Variants in PPP2R2B observed in about 807,000 individuals in gnomAD.
PPP2R2B encodes the protein serine/threonine-protein phosphatase 2A 55 kDa regulatory subunit B beta isoform.
In PPP2R2B, 5 loss-of-function variants were observed where a neutral mutation model predicts 46.0. The ratio of observed to expected loss-of-function variants is 0.11; its 90% CI spans 0.06 to 0.23. The LOEUF is 0.23. Among genes scored for constraint, PPP2R2B ranks in the 10% least tolerant of loss-of-function variants. The pLI, the probability that PPP2R2B is intolerant of heterozygous loss-of-function variation, is 1.00. For synonymous variants in PPP2R2B, 215 were observed against 206.7 expected (o/e 1.04, Z -0.34); for missense variants, 367 against 575.0 (o/e 0.64, Z 3.70).
At chr5:146,797,839 A>T (rs1382924082) in intron 2 of PPP2R2B, among the ~76,000 whole-genome samples, 1 of 152,220 alleles carries the variant, frequency 6.6e-6, no homozygotes, top group Non-Finnish European at 1.5e-5. Flanking sequence ...TCCTTTTGAA[A>T]GCAAGAAAGC....
At chr5:146,798,825 T>C (rs1256952324) in intron 2 of PPP2R2B, among the ~76,000 whole-genome samples, 1 of 152,202 alleles carries the variant, frequency 6.6e-6, no homozygotes, top group African/African-American at 2.4e-5. Flanking sequence ...GGTATACAGC[T>C]AACAAATAGT....
At chr5:146,987,243 T>C (rs1359369640) in intron 1 of PPP2R2B, among the ~76,000 whole-genome samples, 1 of 152,112 alleles carries the variant, frequency 6.6e-6, no homozygotes, top group Non-Finnish European at 1.5e-5. Flanking sequence ...TGACTTATAA[T>C]AAATACTAAG....
intron 7 of PPP2R2B, among the ~76,000 whole-genome samples, chr5:146,617,260 CA>C (rs1241267952): frequency 3.3e-5 from 5 of 151,108 alleles, no homozygotes; most frequent in Non-Finnish European, 5.9e-5. Context: ...TTAATGGGTA[CA>C]AAAAAATAGA....
intron 2 of PPP2R2B, among the ~76,000 whole-genome samples, chr5:146,731,006 T>C (rs1752197839): frequency 6.6e-6 from 1 of 152,204 alleles, no homozygotes; most frequent in Admixed American, 6.5e-5. Flanking sequence ...GATTCAGCCA[T>C]GTACGAGGTG....
chr5:146,658,290 A>C lies in PPP2R2B; in HGVS notation c.448-7566T>G, dbSNP rs79322886. Reference sequence around the variant, plus strand: ...CCCATCTTGAGGCACTAGACGGTAAATCTCTCAGAGGGGCTTGGAAATTCC... The same window carrying C: ...CCCATCTTGAGGCACTAGACGGTAACTCTCTCAGAGGGGCTTGGAAATTCC... On this transcript the variant is annotated intron_variant, in intron 5 of 9. Transcript: ENST00000394411. Among the ~76,000 whole-genome samples, 876 of 152,224 alleles carry C rather than the reference A, an allele frequency of 5.8e-3. 3 individuals carry two copies. Among genetic ancestry groups the C allele is most frequent in the Non-Finnish European group, 9.3e-3 (630 of 68,008 alleles).
chr5:146,868,860 A>C lies in PPP2R2B; in HGVS notation c.70+9142T>G, dbSNP rs557605868. 2.0e-5 allele frequency among the ~76,000 whole-genome samples: 3 copies of C among 152,364 alleles called. No homozygotes were observed. In the South Asian group the frequency reaches 6.2e-4, roughly 32 times the overall value. On this transcript the variant is annotated intron_variant, in intron 2 of 9. Transcript: ENST00000394411. ...CAAGTTTAAGAATACAGGGTTTGGA[A>C]TCAGATAGACCTGGATGTGACTTCT...
chr5:146,792,872 G>T (rs980862111), intron 2 of PPP2R2B, among the ~76,000 whole-genome samples: 7 of 152,108 alleles, frequency 4.6e-5, no homozygotes, highest in African/African-American at 1.7e-4. Flanking sequence ...CCATCATAAG[G>T]GCCCTTTTTT....
chr5:147,034,795 G>A (rs1755958295), intron 1 of PPP2R2B, among the ~76,000 whole-genome samples: 2 of 152,116 alleles, frequency 1.3e-5, no homozygotes, highest in African/African-American at 4.8e-5. Context: ...ATGAGTTTTG[G>A]AATGTTTCCA....
At chr5:146,784,300 C>T (rs375619064) in intron 2 of PPP2R2B, among the ~76,000 whole-genome samples, 18 of 152,234 alleles carry the variant, frequency 1.2e-4, no homozygotes, top group African/African-American at 3.9e-4. Context: ...CCTCAGTCCT[C>T]TAAATGACTG....
intron 5 of PPP2R2B, among the ~76,000 whole-genome samples, chr5:146,689,408 T>A (rs370193194): frequency 2.0e-5 from 3 of 152,326 alleles, no homozygotes; most frequent in African/African-American, 4.8e-5. Flanking sequence ...TTAGATATGT[T>A]TATATACACA....
chr5:146,655,147 T>C (rs2151099679), intron 5 of PPP2R2B, among the ~76,000 whole-genome samples: 1 of 152,294 alleles, frequency 6.6e-6, no homozygotes, highest in South Asian at 2.1e-4. Context: ...CTGACCCTGG[T>C]TGAGTTTCAG....
chr5:146,700,906 A>T (rs1779495647), intron 3 of PPP2R2B, 139 bp downstream of exon 3: 2 of 738,780 alleles, frequency 2.7e-6, no homozygotes, highest in Non-Finnish European at 4.7e-6. Context: ...ATAACAGTTG[A>T]TGTTAATGAC....
intron 1 of PPP2R2B, among the ~76,000 whole-genome samples, chr5:146,970,615 G>T (rs1366994950): frequency 6.6e-6 from 1 of 151,842 alleles, no homozygotes; most frequent in Non-Finnish European, 1.5e-5. Flanking sequence ...AAAAAAAGAA[G>T]AAGAAGAAGG....
intron 2 of PPP2R2B, among the ~76,000 whole-genome samples, chr5:146,804,706 A>G (rs561957412): frequency 6.6e-6 from 1 of 152,166 alleles, no homozygotes; most frequent in Non-Finnish European, 1.5e-5. Flanking sequence ...ATTATTATAT[A>G]TTAGACATGA....
intron 2 of PPP2R2B, among the ~76,000 whole-genome samples, chr5:146,724,818 C>T (rs891166204): frequency 2.0e-5 from 3 of 152,080 alleles, no homozygotes; most frequent in African/African-American, 4.8e-5. Context: ...CACATTTTAC[C>T]TTAGTTCTAG....
At chr5:146,954,189 C>A (rs955764951) in intron 1 of PPP2R2B, among the ~76,000 whole-genome samples, 12 of 151,010 alleles carry the variant, frequency 7.9e-5, no homozygotes, top group African/African-American at 2.9e-4. Context: ...CTCCTCCGAA[C>A]CTCACTCCTG....
rs1218241360 is a variant in PPP2R2B, at chr5:146,828,261, T to TA, written c.70+49740dup. 1.1e-3 allele frequency among the ~76,000 whole-genome samples: 163 copies of TA among 147,650 alleles called. 2 individuals carry two copies. Among genetic ancestry groups the TA allele is most frequent in the South Asian group, 2.8e-3 (13 of 4,634 alleles). ...CCTAAAATATTACTTTTACTTTTTTTAAAAAAAAAAAAGACATTCTCTTGC... is the reference window on the plus strand; with the variant it reads ...CCTAAAATATTACTTTTACTTTTTTTAAAAAAAAAAAAAGACATTCTCTTGC... On this transcript the variant is annotated intron_variant, in intron 2 of 9. Coordinates refer to ENST00000394411, the MANE Select transcript of PPP2R2B (RefSeq NM_181675.4).
chr5:146,592,042 T>A, intron 9 of PPP2R2B: 1 of 386,818 alleles, frequency 2.6e-6, no homozygotes, highest in Non-Finnish European at 5.0e-6. Context: ...TATGAATAAA[T>A]AAATACCTAT....
intron 1 of PPP2R2B, among the ~76,000 whole-genome samples, chr5:146,997,306 C>G (rs1269928431): frequency 3.3e-5 from 5 of 152,202 alleles, no homozygotes. Context: ...CAGAGCCACT[C>G]TCTACTCTGA....
Sources: allele counts gnomAD v4.1 joint callset (sites outside exome capture counted in the v4.1 genomes callset), GRCh38; gene constraint gnomAD v4.1.1; transcripts MANE v1.5; gene names NCBI Gene and HGNC (gene_info 2026-07-23, HGNC 2026-07-21).